Variants in STAG1 observed in about 807,000 individuals in gnomAD.
STAG1 encodes the protein cohesin subunit SA-1.
In STAG1, 26 loss-of-function variants were observed where a neutral mutation model predicts 170.9. The observed-to-expected ratio is 0.15, with a 90% confidence interval of 0.11 to 0.21. The LOEUF is 0.21. Among genes scored for constraint, STAG1 ranks in the 10% least tolerant of loss-of-function variants. The pLI, the probability that STAG1 is intolerant of heterozygous loss-of-function variation, is 1.00. For synonymous variants in STAG1, 514 were observed against 497.7 expected (o/e 1.03, Z -0.44); for missense variants, 964 against 1,509.5 (o/e 0.64, Z 5.99).
At chr3:136,486,985 T>C (rs2090026562) in intron 9 of STAG1, among the ~76,000 whole-genome samples, 1 of 136,030 alleles carries the variant, frequency 7.4e-6, no homozygotes, top group African/African-American at 2.8e-5. Context: ...AATGCCGATT[T>C]TTTTTTATTT....
chr3:136,559,153 CTATCTATCTATA>C (rs972083388), intron 5 of STAG1, among the ~76,000 whole-genome samples: 1 of 151,800 alleles, frequency 6.6e-6, no homozygotes, highest in African/African-American at 2.4e-5. Context: ...ATCTATCTAT[CTATCTATCTATA>C]TACGTACACA....
intron 3 of STAG1, among the ~76,000 whole-genome samples, chr3:136,615,916 A>G (rs1355615363): frequency 2.0e-5 from 3 of 152,218 alleles, no homozygotes; most frequent in Non-Finnish European, 4.4e-5. Context: ...CTAAAGATAC[A>G]AACTTGGGAA....
intron 7 of STAG1, among the ~76,000 whole-genome samples, chr3:136,517,675 A>G (rs1056166683): frequency 6.6e-6 from 1 of 152,022 alleles, no homozygotes; most frequent in Admixed American, 6.6e-5. Context: ...TGAAAATAAA[A>G]AAGTTCCCAG....
chr3:136,647,828 A>C (rs1941085347), intron 1 of STAG1, among the ~76,000 whole-genome samples: 1 of 152,072 alleles, frequency 6.6e-6, no homozygotes, highest in Admixed American at 6.5e-5. Flanking sequence ...CTCATTTTTC[A>C]TTCCCTCTCA....
intron 5 of STAG1, among the ~76,000 whole-genome samples, chr3:136,548,113 TG>T (rs973719567): frequency 9.4e-4 from 141 of 150,226 alleles, no homozygotes; most frequent in African/African-American, 3.4e-3. Flanking sequence ...CAAACTGTTT[TG>T]TTTTGTTTTT....
intron 1 of STAG1, among the ~76,000 whole-genome samples, chr3:136,745,734 C>T (rs1934903746): frequency 6.6e-6 from 1 of 152,164 alleles, no homozygotes; most frequent in African/African-American, 2.4e-5. Flanking sequence ...TGATTTAGAA[C>T]ACAGGTATCC....
chr3:136,643,861 G>A (rs950188648), intron 1 of STAG1, among the ~76,000 whole-genome samples: 9 of 152,100 alleles, frequency 5.9e-5, no homozygotes, highest in South Asian at 2.1e-4. Flanking sequence ...TAATATGACC[G>A]TGTAGCAAAG....
chr3:136,549,566 G>T (rs1374217520), intron 5 of STAG1, among the ~76,000 whole-genome samples: 1 of 151,982 alleles, frequency 6.6e-6, no homozygotes, highest in East Asian at 1.9e-4. Flanking sequence ...CTCCCAAAGT[G>T]CTGAGATTAC....
intron 3 of STAG1, among the ~76,000 whole-genome samples, chr3:136,620,776 T>C (rs1160161649): frequency 1.3e-5 from 2 of 152,196 alleles, no homozygotes; most frequent in African/African-American, 4.8e-5. Context: ...AATACTACTT[T>C]CTTATACTGG....
In STAG1 at chr3:136,538,532, C is replaced by T. The variant is rs191187978; in HGVS notation, c.471+3587G>A. Among the ~76,000 whole-genome samples, 25 of 151,956 alleles carry T rather than the reference C, an allele frequency of 1.6e-4. 1 individual carries two copies. The East Asian group carries it at 4.3e-3, about 26-fold the overall frequency. ...CTCCCAGATTCAAGCGATTCTCCTG[C>T]GTCAGCCACTCCAGTAATTGAAATT... is the stretch of plus-strand genomic sequence containing the variant. On this transcript the variant is annotated intron_variant, in intron 6 of 33. Transcript: ENST00000383202.
intron 1 of STAG1, among the ~76,000 whole-genome samples, chr3:136,649,518 A>AG (rs1361053556): frequency 6.6e-6 from 1 of 151,496 alleles, no homozygotes; most frequent in African/African-American, 2.4e-5. Context: ...AAAAAAAAAA[A>AG]AAAAGAAAGG....
chr3:136,658,479 T>C (rs1479636828), intron 1 of STAG1, among the ~76,000 whole-genome samples: 2 of 151,954 alleles, frequency 1.3e-5, no homozygotes, highest in Non-Finnish European at 2.9e-5. Context: ...AAAAACCAAA[T>C]ATAACTATAC....
Position 136,542,288 on chromosome 3 carries a change from C to A in STAG1, c.395-93G>T, listed in dbSNP as rs193042596. 2.1e-3 allele frequency: 1,897 copies of A among 894,904 alleles called. 4 individuals are homozygous for A. Among genetic ancestry groups the A allele is most frequent in the Non-Finnish European group, 2.8e-3 (1,602 of 567,076 alleles). 55.4% of individuals were successfully genotyped at this position (894,904 alleles called of 1,614,324 possible). On this transcript the variant is annotated intron_variant, in intron 5 of 33. Coordinates refer to ENST00000383202, the MANE Select transcript of STAG1 (RefSeq NM_005862.3). ...CATTAACAAGTTATCTGTGAGAATCCCAAAAGAATAACCTTCCAACATATA... is the reference window on the plus strand; with the variant it reads ...CATTAACAAGTTATCTGTGAGAATCACAAAAGAATAACCTTCCAACATATA...
intron 4 of STAG1, among the ~76,000 whole-genome samples, chr3:136,581,720 C>T (rs1937593797): frequency 1.3e-5 from 2 of 151,918 alleles, no homozygotes; most frequent in South Asian, 4.2e-4. Context: ...ATGTTTACTT[C>T]TACTTAGGAT....
In STAG1 at chr3:136,697,140, T is replaced by C. The variant is rs1942917646; in HGVS notation, c.-84+55055A>G. ...GAAATTTTAAAGTTTATTTCTGACT[T>C]ACAATGAATAAAGCCTTTCCACTTT... On this transcript the variant is annotated intron_variant, in intron 1 of 33. Transcript: ENST00000383202. Among the ~76,000 whole-genome samples, 5 of 152,362 alleles carry C rather than the reference T, an allele frequency of 3.3e-5. No individual in the cohort carries two copies. The South Asian group carries it at 1.0e-3, about 32-fold the overall frequency.
rs756043877 is a variant in STAG1 at position 136,568,798 on chromosome 3, T to C, written c.361A>G (p.Ile121Val). 1.9e-6 allele frequency: 3 copies of C among 1,612,536 alleles called. No individual in the cohort carries two copies. The highest frequency in any genetic ancestry group is 2.5e-6 in the Non-Finnish European group (3 of 1,179,522). ...QDRDIALLDL[I>V]NFFIQCSGCR... ...CCTGAACACTGGATAAAAAAGTTGA[T>C]TAAATCCAGAAGTGCGATGTCCCTG... Residue 121 changes from isoleucine to valine, a missense_variant, in exon 5 of 34, where the codon ATC (isoleucine) becomes GTC (valine). By Grantham distance (29) the Ile-to-Val change is conservative. Around this residue, in one of 11 missense-constraint regions of STAG1, gnomAD observed 33 missense variants for 86.0 expected, o/e 0.38. Coordinates refer to ENST00000383202, the MANE Select transcript of STAG1 (RefSeq NM_005862.3).
At chr3:136,510,710 C>G (rs2107884144) in intron 7 of STAG1, among the ~76,000 whole-genome samples, 1 of 151,866 alleles carries the variant, frequency 6.6e-6, no homozygotes, top group East Asian at 1.9e-4. Flanking sequence ...CCTCTGGGTT[C>G]AAGTGATTCT....
At chr3:136,625,132 A>G (rs1576682572) in intron 2 of STAG1, among the ~76,000 whole-genome samples, 1 of 152,248 alleles carries the variant, frequency 6.6e-6, no homozygotes, top group South Asian at 2.1e-4. Context: ...GAATCTCTTC[A>G]CTAAATTCTA....
chr3:136,541,417 G>C (rs1935892477), intron 6 of STAG1, among the ~76,000 whole-genome samples: 1 of 152,050 alleles, frequency 6.6e-6, no homozygotes, highest in Non-Finnish European at 1.5e-5. Context: ...AACTGCTCAA[G>C]AGAATATTTC....
Sources: gnomAD v4.1 joint callset for allele counts (sites outside exome capture counted in the v4.1 genomes callset) on GRCh38, gnomAD v4.1.1 for gene constraint, gnomAD v4.1.1 regional missense constraint, MANE v1.5 for transcripts, NCBI Gene and HGNC (gene_info 2026-07-23, HGNC 2026-07-21) for gene names.